CLSTN2: variants seen among roughly 807,000 people sequenced by gnomAD.
The protein encoded by CLSTN2 is calsyntenin 2.
In CLSTN2, 48 loss-of-function variants were observed where a neutral mutation model predicts 101.2. The ratio of observed to expected loss-of-function variants is 0.47; its 90% CI spans 0.38 to 0.60. The LOEUF is 0.60. Ranked by LOEUF, CLSTN2 falls within the 20% of genes least tolerant of loss-of-function variation. The pLI is 0.00. For synonymous variants in CLSTN2, 481 were observed against 463.6 expected, an observed-to-expected ratio of 1.04 and a Z score of -0.48; for missense variants, 1,160 against 1,238.2, an observed-to-expected ratio of 0.94 and a Z score of 0.95.
At chr3:140,343,974 G>A (rs1385007255) in intron 2 of CLSTN2, among the ~76,000 whole-genome samples, 1 of 152,144 alleles carries the variant, frequency 6.6e-6, no homozygotes, top group African/African-American at 2.4e-5. Context: ...CCAAAAGAAG[G>A]CAGTCCCCGC....
At chr3:139,959,440 C>T (rs567328610) in intron 1 of CLSTN2, among the ~76,000 whole-genome samples, 13 of 151,972 alleles carry the variant, frequency 8.6e-5, no homozygotes, top group South Asian at 2.1e-4. Context: ...AAACAGATAT[C>T]GAGGGGGCAT....
intron 2 of CLSTN2, among the ~76,000 whole-genome samples, chr3:140,332,269 A>G (rs2087390332): frequency 6.6e-6 from 1 of 152,222 alleles, no homozygotes; most frequent in Admixed American, 6.5e-5. Context: ...AAATGCACAC[A>G]GAAGACTCTG....
At chr3:140,195,010 A>G (rs1477244238) in intron 2 of CLSTN2, among the ~76,000 whole-genome samples, 2 of 152,180 alleles carry the variant, frequency 1.3e-5, no homozygotes, top group African/African-American at 4.8e-5. Flanking sequence ...ATTGCTGGCC[A>G]TTGGGGATGA....
intron 1 of CLSTN2, among the ~76,000 whole-genome samples, chr3:140,172,157 C>T (rs114667502): frequency 6.6e-6 from 1 of 150,990 alleles, no homozygotes; most frequent in African/African-American, 2.4e-5. Context: ...ATTATTCTAG[C>T]CCCCCTCTAA....
chr3:140,466,592 C>T lies in CLSTN2; in HGVS notation c.1223-18C>T, dbSNP rs1933708819. 1.9e-6 allele frequency: 3 copies of T among 1,613,562 alleles called. No homozygotes were observed. The highest frequency in any genetic ancestry group is 1.3e-5 in the African/African-American group (1 of 74,924). ...ACAGGGGTTCTCTCACTCTTCAAACCTTCTTTCTGCTTTTCAGAAATGAAC... is the reference window on the plus strand; with the variant it reads ...ACAGGGGTTCTCTCACTCTTCAAACTTTCTTTCTGCTTTTCAGAAATGAAC... On this transcript the variant is annotated intron_variant, in intron 7 of 16. Transcript: ENST00000458420.
intron 1 of CLSTN2, among the ~76,000 whole-genome samples, chr3:140,080,360 G>A (rs1485680558): frequency 6.6e-6 from 1 of 152,166 alleles, no homozygotes; most frequent in East Asian, 1.9e-4. Flanking sequence ...GAACCTCCAG[G>A]ACTTCAAAAG....
intron 1 of CLSTN2, among the ~76,000 whole-genome samples, chr3:140,071,482 C>A (rs993739747): frequency 6.6e-6 from 1 of 152,042 alleles, no homozygotes; most frequent in Admixed American, 6.6e-5. Context: ...AATCAATAAA[C>A]AATCCAATAG....
chr3:140,162,733 G>A (rs953318114), intron 1 of CLSTN2, among the ~76,000 whole-genome samples: 4 of 152,132 alleles, frequency 2.6e-5, no homozygotes, highest in African/African-American at 9.7e-5. Flanking sequence ...TAAATAACAA[G>A]CAAAATTGGC....
Position 140,510,363 on chromosome 3 carries a change from G to A in CLSTN2, c.1345-21961G>A, listed in dbSNP as rs1047063437. On this transcript the variant is annotated intron_variant, in intron 8 of 16. Transcript: ENST00000458420. ...GTGAGAAAGAAAGAAAAAAACCCCT[G>A]CTGATTATGTATGCAAAAGTCGCAG... Among the ~76,000 whole-genome samples, 27 of 152,288 alleles carry A rather than the reference G, an allele frequency of 1.8e-4. No homozygotes were observed. The East Asian group carries it at 5.2e-3, about 29-fold the overall frequency.
intron 5 of CLSTN2, among the ~76,000 whole-genome samples, chr3:140,431,194 G>T (rs900097408): frequency 6.6e-6 from 1 of 152,154 alleles, no homozygotes; most frequent in Non-Finnish European, 1.5e-5. Flanking sequence ...ATTGAACCAG[G>T]TATAGGGAAC....
chr3:140,035,875 A>C (rs567859253), intron 1 of CLSTN2, among the ~76,000 whole-genome samples: 1 of 152,108 alleles, frequency 6.6e-6, no homozygotes, highest in Non-Finnish European at 1.5e-5. Flanking sequence ...TTGTCCTTGA[A>C]AAGTGCTACC....
chr3:140,307,321 C>T (rs1271651578), intron 2 of CLSTN2, among the ~76,000 whole-genome samples: 1 of 152,208 alleles, frequency 6.6e-6, no homozygotes, highest in Non-Finnish European at 1.5e-5. Flanking sequence ...TAGCTTCCTG[C>T]TACACACCTT....
intron 2 of CLSTN2, among the ~76,000 whole-genome samples, chr3:140,306,447 A>AC (rs2087114690): frequency 1.3e-5 from 2 of 152,194 alleles, no homozygotes; most frequent in Non-Finnish European, 2.9e-5. Context: ...TCCCAGCTAC[A>AC]CTATGCTGTG....
intron 8 of CLSTN2, among the ~76,000 whole-genome samples, chr3:140,521,393 T>C (rs1935024059): frequency 6.6e-6 from 1 of 152,236 alleles, no homozygotes; most frequent in Admixed American, 6.5e-5. Context: ...TGCAGTTTGC[T>C]GGGGTTCTGC....
chr3:140,349,969 C>T (rs1457074478), intron 2 of CLSTN2, among the ~76,000 whole-genome samples: 1 of 152,200 alleles, frequency 6.6e-6, no homozygotes, highest in African/African-American at 2.4e-5. Flanking sequence ...TGACATCTCT[C>T]ATAGATTGAA....
chr3:140,217,772 A>G (rs1333330525), intron 2 of CLSTN2, among the ~76,000 whole-genome samples: 1 of 152,258 alleles, frequency 6.6e-6, no homozygotes, highest in African/African-American at 2.4e-5. Flanking sequence ...TTAGAAAACC[A>G]GAACACTATT....
chr3:140,318,243 G>T (rs2087247871), intron 2 of CLSTN2, among the ~76,000 whole-genome samples: 1 of 152,156 alleles, frequency 6.6e-6, no homozygotes. Flanking sequence ...GTGTGGTCCA[G>T]TGACAAGCCA....
intron 1 of CLSTN2, among the ~76,000 whole-genome samples, chr3:140,005,441 A>T (rs1486696321): frequency 6.6e-6 from 1 of 152,074 alleles, no homozygotes; most frequent in Non-Finnish European, 1.5e-5. Context: ...TAGAGTACCA[A>T]TGTAGTCCCA....
intron 1 of CLSTN2, among the ~76,000 whole-genome samples, chr3:139,970,128 T>A (rs2107818527): frequency 6.6e-6 from 1 of 152,242 alleles, no homozygotes; most frequent in Admixed American, 6.5e-5. Flanking sequence ...GAGATTTGGA[T>A]GTAATTTGGG....
Sources: gnomAD v4.1 joint callset for allele counts (sites outside exome capture counted in the v4.1 genomes callset) on GRCh38, gnomAD v4.1.1 for gene constraint, MANE v1.5 for transcripts, NCBI Gene and HGNC (gene_info 2026-07-23, HGNC 2026-07-21) for gene names.